The following FMO2 variants were observed in gnomAD, a reference collection of about 807,000 sequenced individuals.
FMO2 encodes flavin containing dimethylaniline monoxygenase 2, also known as flavin-containing monooxygenase 2.
Under a neutral mutation model 41.6 loss-of-function variants are expected in FMO2, and 33 were observed. That is an observed-to-expected ratio of 0.79 (90% CI 0.60 to 1.06). FMO2 has a LOEUF of 1.06. Ranked by LOEUF, FMO2 falls within the 50% of genes least tolerant of loss-of-function variation. The pLI, the probability that FMO2 is intolerant of heterozygous loss-of-function variation, is 0.00. For missense variants in FMO2, 619 were observed against 632.9 expected (o/e 0.98, Z 0.23); for synonymous variants, 214 against 219.6 (o/e 0.97, Z 0.23).
At chr1:171,195,815 A>G (rs185870293) in intron 3 of FMO2, among the ~76,000 whole-genome samples, 17 of 152,324 alleles carry the variant, frequency 1.1e-4, no homozygotes, top group African/African-American at 3.4e-4. Flanking sequence ...CAATGAACCA[A>G]TAAATCATTT....
chr1:171,199,312 G>A (rs1286691875), intron 4 of FMO2, 34 bp from the exon 5 acceptor site: 2 of 1,524,826 alleles, frequency 1.3e-6, no homozygotes, highest in African/African-American at 2.8e-5. Context: ...AGTTGCTCTG[G>A]AGCTCACAGA....
chr1:171,204,192 T>C, intron 6 of FMO2, 128 bp downstream of exon 6: 1 of 668,884 alleles, frequency 1.5e-6, no homozygotes, highest in Non-Finnish European at 2.6e-6. Flanking sequence ...TATGAGTATC[T>C]TATAGGTCCT....
At chr1:171,202,853 A>C (rs1571287739) in intron 5 of FMO2, among the ~76,000 whole-genome samples, 1 of 152,188 alleles carries the variant, frequency 6.6e-6, no homozygotes, top group East Asian at 1.9e-4. Context: ...AAAATTTAAG[A>C]AGCAGTTCAA....
Position 171,194,031 on chromosome 1 carries a change from C to T in FMO2, c.321+508C>T, listed in dbSNP as rs28369851. Among the ~76,000 whole-genome samples, 1,266 of 152,276 alleles carry T rather than the reference C, an allele frequency of 8.3e-3. 17 individuals are homozygous for T. The highest frequency in any genetic ancestry group is 0.029 in the African/African-American group (1,209 of 41,542). On this transcript the variant is annotated intron_variant, in intron 3 of 8. Transcript: ENST00000209929. ...CTGACCTCAAGTGATCCACCCGCCT[C>T]GGCCCCCCAAAGTGCTGGGATTACA...
intron 2 of FMO2, chr1:171,186,138 C>CTTCT (rs1477311372): frequency 5.0e-6 from 1 of 199,840 alleles, no homozygotes; most frequent in Non-Finnish European, 1.0e-5. Context: ...TATTAGAGAA[C>CTTCT]ATTTTACAAA....
At chr1:171,193,722 G>A (rs553194767) in intron 3 of FMO2, among the ~76,000 whole-genome samples, 199 bp downstream of exon 3, 2 of 151,680 alleles carry the variant, frequency 1.3e-5, no homozygotes, top group East Asian at 3.9e-4. Flanking sequence ...TAATTGAAGA[G>A]GAAAATCATC....
chr1:171,196,496 T>C (rs996089555), intron 3 of FMO2, among the ~76,000 whole-genome samples, 153 bp from the exon 4 acceptor site: 20 of 152,210 alleles, frequency 1.3e-4, no homozygotes, highest in Non-Finnish European at 2.5e-4. Context: ...TTTTCTTTTC[T>C]CTCTCAAGTC....
chr1:171,209,050 A>T lies in FMO2; in HGVS notation c.1513A>T (p.Lys505Ter). The T allele has an allele frequency of 1.7e-6, 2 of 1,175,956 alleles. No homozygotes were observed. Among genetic ancestry groups the T allele is most frequent in the South Asian group, 2.9e-5 (2 of 68,200 alleles). The allele number at this position is 1,175,956 out of a possible 1,614,324, so 72.8% of individuals were successfully genotyped here. A position where few individuals can be genotyped will look rare whatever the true frequency, so the allele number is the denominator to read the frequency against. The change falls in exon 9 of 9, where the codon AAG becomes TAG. Residue 505 changes from lysine (K) to a stop codon, truncating the protein, a stop_gained. Coordinates refer to ENST00000209929, the MANE Select transcript of FMO2 (RefSeq NM_001460.5). LOFTEE classifies it low-confidence loss of function (END_TRUNC). ...ILKPLKTRAL[K>*]DSSNFSVSFL... is the part of the protein sequence containing the mutation. ...GAAGCCACTCAAGACTCGGGCCCTGAAGGATTCATCTAATTTCTCAGTTTC... is the reference window on the plus strand; with the variant it reads ...GAAGCCACTCAAGACTCGGGCCCTGTAGGATTCATCTAATTTCTCAGTTTC...
intron 2 of FMO2, among the ~76,000 whole-genome samples, chr1:171,191,247 G>C (rs1431503749): frequency 6.6e-6 from 1 of 152,024 alleles, no homozygotes; most frequent in Non-Finnish European, 1.5e-5. Flanking sequence ...GGCCAGTTTT[G>C]CCCTGGCCCT....
intron 5 of FMO2, 110 bp from the exon 6 acceptor site, chr1:171,203,755 A>T (rs905229966): frequency 8.7e-5 from 81 of 927,918 alleles, no homozygotes; most frequent in Non-Finnish European, 1.3e-4. Flanking sequence ...TCTTTAAAAC[A>T]GAACCTCTGT....
intron 2 of FMO2, among the ~76,000 whole-genome samples, chr1:171,192,355 A>G (rs75677949): frequency 0.016 from 2,460 of 152,316 alleles, 36 homozygotes; most frequent in Middle Eastern, 0.044. Flanking sequence ...ATAGTTAACA[A>G]TAATACCATA....
At chr1:171,193,196 C>T (rs1571275835) in intron 2 of FMO2, 139 bp from the exon 3 acceptor site, 1 of 610,604 alleles carries the variant, frequency 1.6e-6, no homozygotes, top group Non-Finnish European at 2.9e-6. Context: ...ACATAGACTG[C>T]ATTCATTACC....
At chr1:171,196,523 C>G (rs1658317455) in intron 3 of FMO2, 126 bp from the exon 4 acceptor site, 2 of 719,096 alleles carry the variant, frequency 2.8e-6, no homozygotes, top group African/African-American at 3.6e-5. Context: ...CAGTATTCAA[C>G]ACCCTTAACA....
intron 5 of FMO2, among the ~76,000 whole-genome samples, chr1:171,201,163 C>T (rs1044067322): frequency 2.6e-5 from 4 of 152,110 alleles, no homozygotes; most frequent in Non-Finnish European, 5.9e-5. Context: ...GACTTTGTTT[C>T]CATCTCCCTC....
At position 171,185,765 on chromosome 1, in the gene FMO2, C is replaced by G; in HGVS notation, c.52C>G (p.Leu18Val). Residue 18 changes from leucine (L) to valine (V), a missense_variant, in exon 2 of 9, where the codon CTG (leucine) becomes GTG (valine). By Grantham distance (32) the Leu-to-Val change is conservative. Coordinates refer to ENST00000209929, the MANE Select transcript of FMO2 (RefSeq NM_001460.5). ...AGCTGGGGTCAGTGGCCTAATTTCT[C>G]TGAAGTGCTGTGTGGATGAGGGACT... ...IGAGVSGLIS[L>V]KCCVDEGLEP... The G allele has an allele frequency of 1.9e-6, 3 of 1,613,846 alleles. No individual in the cohort carries two copies. Among genetic ancestry groups the G allele is most frequent in the Non-Finnish European group, 2.5e-6 (3 of 1,179,814 alleles).
At chr1:171,199,251 C>A in intron 4 of FMO2, 95 bp from the exon 5 acceptor site, 1 of 1,252,656 alleles carries the variant, frequency 8.0e-7, no homozygotes, top group Non-Finnish European at 1.1e-6. Context: ...AAATTATTAA[C>A]TCCAGAAAGG....
At chr1:171,186,706 G>A (rs965077987) in intron 2 of FMO2, among the ~76,000 whole-genome samples, 8 of 152,160 alleles carry the variant, frequency 5.3e-5, no homozygotes, top group Non-Finnish European at 2.9e-5. Context: ...TTTGGATGGG[G>A]ACACAAAGCC....
At chr1:171,202,568 T>C (rs1200532712) in intron 5 of FMO2, among the ~76,000 whole-genome samples, 4 of 151,956 alleles carry the variant, frequency 2.6e-5, no homozygotes, top group African/African-American at 9.7e-5. Context: ...TTCAAGTACT[T>C]TATATATACC....
intron 2 of FMO2, among the ~76,000 whole-genome samples, chr1:171,187,751 T>C (rs756208629): frequency 6.6e-6 from 1 of 151,990 alleles, no homozygotes; most frequent in Non-Finnish European, 1.5e-5. Context: ...TAAGACAAAT[T>C]TGGTAATTGT....
Sources: allele counts gnomAD v4.1 joint callset (sites outside exome capture counted in the v4.1 genomes callset), GRCh38; gene constraint gnomAD v4.1.1; transcripts MANE v1.5; gene names NCBI Gene and HGNC (gene_info 2026-07-23, HGNC 2026-07-21).